SLC6A16: variants seen among roughly 807,000 people sequenced by gnomAD.
SLC6A16 encodes solute carrier family 6 member 16, also known as orphan sodium- and chloride-dependent neurotransmitter transporter NTT5.
Under a neutral mutation model 65.4 loss-of-function variants are expected in SLC6A16, and 54 were observed. That is an observed-to-expected ratio of 0.83 (90% CI 0.66 to 1.04). The LOEUF (loss-of-function observed/expected upper bound fraction) is 1.04, where lower values mean the gene tolerates loss of function less well. Among genes scored for constraint, SLC6A16 ranks in the 50% least tolerant of loss-of-function variants. SLC6A16 has a pLI of 0.00. For missense variants in SLC6A16, 816 were observed against 914.0 expected (o/e 0.89, Z 1.38); for synonymous variants, 330 against 346.5 (o/e 0.95, Z 0.53).
chr19:49,327,979 T>G (rs1422485061), upstream of SLC6A16, among the ~76,000 whole-genome samples: 1 of 152,212 alleles, frequency 6.6e-6, no homozygotes, highest in East Asian at 1.9e-4. Context: ...GAGGCCCTTA[T>G]AGGTCATGGT....
Position 49,311,137 on chromosome 19 carries a change from C to T in SLC6A16, c.211G>A (p.Val71Ile). ...ARTSQPKQIS[V>I]LEALTASALN... ...GCTGAGGCAGTTAACGCCTCCAATA[C>T]AGAAATTTGCTTGGGCTGACTGGTC... The change falls in exon 2 of 12, where the codon GTA becomes ATA. Residue 71 changes from valine to isoleucine, a missense_variant. Val to Ile is a conservative substitution (Grantham distance 29). Transcript: ENST00000335875. The T allele has an allele frequency of 6.2e-7, 1 of 1,614,208 alleles. No homozygotes were observed. Among genetic ancestry groups the T allele is most frequent in the South Asian group, 1.1e-5 (1 of 91,078 alleles).
At position 49,302,071 on chromosome 19, in the gene SLC6A16, T is replaced by C. The variant is rs1348829509; in HGVS notation, c.1229+6805A>G. On this transcript the variant is annotated intron_variant, in intron 7 of 11. Transcript: ENST00000335875. ...CTGTGGCCAGACTGCAGCAGGCCCC[T>C]GCAGTTAGGCACAAGCTGTCAGGCC... is the stretch of plus-strand genomic sequence containing the variant. Among the ~76,000 whole-genome samples the C allele has an allele frequency of 3.9e-5, 6 of 152,328 alleles. No homozygotes were observed. The East Asian group carries it at 1.2e-3, about 29-fold the overall frequency.
intron 7 of SLC6A16, 69 bp from the exon 8 acceptor site, chr19:49,294,622 C>T: frequency 7.4e-7 from 1 of 1,346,974 alleles, no homozygotes; most frequent in Non-Finnish European, 1.0e-6. Flanking sequence ...TTTCCCTTAT[C>T]TTCAAGATAA....
Position 49,289,921 on chromosome 19 carries a change from C to A in SLC6A16, c.*202G>T. 3 of 594,986 alleles carry A rather than the reference C, an allele frequency of 5.0e-6. No homozygotes were observed. The highest frequency in any genetic ancestry group is 6.0e-5 in the Admixed American group (2 of 33,374). 36.9% of individuals were successfully genotyped at this position (594,986 alleles called of 1,614,324 possible). On this transcript the variant is annotated 3_prime_UTR_variant, in exon 12 of 12. Transcript: ENST00000335875. The stretch of plus-strand genomic sequence containing the variant: ...GTGTTGAGGAAGAGGATGGGGAAAA[C>A]AATGATGGTGGTCACCAGGTAAGAT...
the SLC6A16 span, chr19:49,340,213 C>A: frequency 6.3e-7 from 1 of 1,575,774 alleles, no homozygotes; most frequent in Non-Finnish European, 8.7e-7. Context: ...TCGCCAGCAC[C>A]CCTTCGACTT....
chr19:49,289,938 AG>A lies in SLC6A16; in HGVS notation c.*184del, dbSNP rs766983770. 122 of 608,338 alleles carry A rather than the reference AG, an allele frequency of 2.0e-4. No homozygotes were observed. Among genetic ancestry groups the A allele is most frequent in the Non-Finnish European group, 2.9e-4 (102 of 345,998 alleles). 37.7% of individuals were successfully genotyped at this position (608,338 alleles called of 1,614,324 possible). On this transcript the variant is annotated 3_prime_UTR_variant, in exon 12 of 12. Transcript: ENST00000335875. Reference sequence around the variant, plus strand: ...GGGGAAAACAATGATGGTGGTCACCAGGTAAGATGGGACCCAGGAAGGGATT... The same window carrying A: ...GGGGAAAACAATGATGGTGGTCACCAGTAAGATGGGACCCAGGAAGGGATT...
the SLC6A16 span, chr19:49,340,166 CCT>C: frequency 7.2e-6 from 11 of 1,523,150 alleles, 1 homozygote; most frequent in South Asian, 1.2e-4. Context: ...CGGCCCCACC[CCT>C]GACCTTTCTC....
chr19:49,294,545 T>A lies in SLC6A16; in HGVS notation c.1238A>T (p.Glu413Val). ...ITHRCCERNA[E>V]ILLKLINLGK... Reference sequence around the variant, plus strand: ...TAGGTTTATCAGCTTTAAAAGTATTTCAGCATTCCTGGGGATAGAGGGTTG... The same window carrying A: ...TAGGTTTATCAGCTTTAAAAGTATTACAGCATTCCTGGGGATAGAGGGTTG... Residue 413 changes from glutamate (E) to valine (V), a missense_variant, in exon 8 of 12, where the codon GAA (glutamate) becomes GTA (valine). Transcript: ENST00000335875. 1 of 1,606,184 alleles carries A rather than the reference T, an allele frequency of 6.2e-7. No homozygotes were observed. Among genetic ancestry groups the A allele is most frequent in the East Asian group, 2.2e-5 (1 of 44,840 alleles).
chr19:49,339,102 C>T, the SLC6A16 span, among the ~76,000 whole-genome samples: 1 of 151,952 alleles, frequency 6.6e-6, no homozygotes, highest in East Asian at 1.9e-4. The surrounding 1 kb of genome is among the most constrained non-coding windows in gnomAD (Gnocchi z 4.5). Context: ...GCAGGAAGGG[C>T]AGGGCCTAAA....
chr19:49,290,838 C>A, intron 10 of SLC6A16, 71 bp from the exon 11 acceptor site: 1 of 1,308,352 alleles, frequency 7.6e-7, no homozygotes, highest in Non-Finnish European at 1.1e-6. Flanking sequence ...GCCAGCCCAA[C>A]CTTGGCATCT....
intron 7 of SLC6A16, among the ~76,000 whole-genome samples, chr19:49,298,138 C>T (rs890791592): frequency 6.6e-6 from 1 of 152,042 alleles, no homozygotes; most frequent in African/African-American, 2.4e-5. Context: ...AAGGAATTCC[C>T]CATTAGATAT....
chr19:49,339,480 C>A, the SLC6A16 span: 1 of 1,557,062 alleles, frequency 6.4e-7, no homozygotes, highest in Non-Finnish European at 8.8e-7. The surrounding 1 kb of genome is among the most constrained non-coding windows in gnomAD (Gnocchi z 4.5). Flanking sequence ...CTTCATTTCG[C>A]GTCCTTCGGT....
upstream of SLC6A16, among the ~76,000 whole-genome samples, chr19:49,326,822 C>A (rs1472530917): frequency 6.6e-6 from 1 of 151,964 alleles, no homozygotes; most frequent in Non-Finnish European, 1.5e-5. Flanking sequence ...AGTTCAAGAC[C>A]AGCCTGGCCA....
chr19:49,337,465 TA>T, the SLC6A16 span, among the ~76,000 whole-genome samples: 9,263 of 149,540 alleles, frequency 0.062, 982 homozygotes, highest in African/African-American at 0.21. Context: ...CATCTATATT[TA>T]AAAAAAAAAT....
At chr19:49,340,290 C>T in the SLC6A16 span, 7 of 1,613,990 alleles carry the variant, frequency 4.3e-6, no homozygotes, top group Non-Finnish European at 5.1e-6. Context: ...GTGCAGAAAC[C>T]TGGACCACGT....
intron 7 of SLC6A16, among the ~76,000 whole-genome samples, chr19:49,296,974 G>A (rs1970198450): frequency 1.3e-5 from 2 of 152,190 alleles, no homozygotes; most frequent in African/African-American, 4.8e-5. Flanking sequence ...GGGCAACAGA[G>A]TGAGACCCTA....
upstream of SLC6A16, among the ~76,000 whole-genome samples, chr19:49,325,738 T>C (rs1970788552): frequency 6.6e-6 from 1 of 152,200 alleles, no homozygotes; most frequent in Non-Finnish European, 1.5e-5. Flanking sequence ...GAGTTACATT[T>C]ATATGGGTTG....
chr19:49,338,793 T>A, the SLC6A16 span: 3 of 1,614,074 alleles, frequency 1.9e-6, no homozygotes, highest in Non-Finnish European at 2.5e-6. The surrounding 1 kb of genome is among the most constrained non-coding windows in gnomAD (Gnocchi z 5.0). Context: ...GCCCTGCTCC[T>A]GCTACAACTT....
chr19:49,339,732 C>A, the SLC6A16 span: 1 of 1,398,904 alleles, frequency 7.1e-7, no homozygotes, highest in Non-Finnish European at 9.2e-7. The surrounding 1 kb of genome is among the most constrained non-coding windows in gnomAD (Gnocchi z 4.5). Context: ...ACGTGCCGGG[C>A]GCTGGGGATT....
Sources: allele counts gnomAD v4.1 joint callset (sites outside exome capture counted in the v4.1 genomes callset), GRCh38; gene constraint gnomAD v4.1.1; non-coding constraint Gnocchi (gnomAD v3.1); transcripts MANE v1.5; gene names NCBI Gene and HGNC (gene_info 2026-07-23, HGNC 2026-07-21).